DIP2C: variants seen among roughly 807,000 people sequenced by gnomAD.
DIP2C encodes disco-interacting protein 2 homolog C.
Under a neutral mutation model 192.4 loss-of-function variants are expected in DIP2C, and 33 were observed. That is an observed-to-expected ratio of 0.17 (90% CI 0.13 to 0.23). The LOEUF is 0.23. Ranked by LOEUF, DIP2C falls within the 10% of genes least tolerant of loss-of-function variation. The pLI is 1.00. For missense variants in DIP2C, 1,537 were observed against 2,110.1 expected, an observed-to-expected ratio of 0.73 and a Z score of 5.32; for synonymous variants, 979 against 864.1, an observed-to-expected ratio of 1.13 and a Z score of -2.33.
intron 1 of DIP2C, among the ~76,000 whole-genome samples, chr10:587,075 G>T (rs1851093052): frequency 6.6e-6 from 1 of 150,490 alleles, no homozygotes; most frequent in Non-Finnish European, 1.5e-5. Context: ...AACAGTGCAG[G>T]GTCTAAGGCC....
intron 1 of DIP2C, among the ~76,000 whole-genome samples, chr10:577,836 T>TA (rs1554742636): frequency 5.3e-5 from 8 of 151,606 alleles, no homozygotes; most frequent in South Asian, 2.1e-4. Context: ...TTTTTTTTTT[T>TA]AACCACAAAA....
chr10:460,888 G>A (rs1295315500), intron 3 of DIP2C, among the ~76,000 whole-genome samples: 1 of 152,122 alleles, frequency 6.6e-6, no homozygotes, highest in Non-Finnish European at 1.5e-5. Flanking sequence ...AGAAGAGAGT[G>A]GGGGCCAATA....
rs953393208 is a variant in DIP2C, at chr10:308,429, CCA to C, written c.3986+1600_3986+1601del. Among the ~76,000 whole-genome samples the C allele has an allele frequency of 6.9e-4, 103 of 150,264 alleles. 3 individuals are homozygous for C. The highest frequency in any genetic ancestry group is 2.3e-3 in the African/African-American group (91 of 39,644). ...AAAAGGTTACGCTTTGAGGGCCAGG[CCA>C]CAGACAGAACTGCATACATGTGTTA... is the stretch of plus-strand genomic sequence containing the variant. On this transcript the variant is annotated intron_variant, in intron 32 of 36. Transcript: ENST00000280886.
At chr10:284,618 A>T (rs538213666) in intron 34 of DIP2C, among the ~76,000 whole-genome samples, 4 of 152,306 alleles carry the variant, frequency 2.6e-5, no homozygotes, top group African/African-American at 9.6e-5. Context: ...ATGACGGGCA[A>T]GGGTGCAAAC....
At chr10:465,399 GAGCT>G (rs1456809243) in intron 3 of DIP2C, among the ~76,000 whole-genome samples, 5 of 150,856 alleles carry the variant, frequency 3.3e-5, no homozygotes, top group African/African-American at 1.2e-4. Flanking sequence ...AAAATAATAA[GAGCT>G]ATCTATGACA....
chr10:647,837 C>T (rs11253297), intron 1 of DIP2C, among the ~76,000 whole-genome samples: 1 of 147,678 alleles, frequency 6.8e-6, no homozygotes, highest in East Asian at 2.1e-4. Context: ...ACTGAGTCCA[C>T]GTCCACATTT....
chr10:371,495 C>T (rs913191542), intron 17 of DIP2C, among the ~76,000 whole-genome samples: 3 of 152,140 alleles, frequency 2.0e-5, no homozygotes, highest in Non-Finnish European at 2.9e-5. Context: ...ATTACTCTGT[C>T]CTTGTAAGAG....
chr10:569,768 A>C (rs1335587029), intron 1 of DIP2C, among the ~76,000 whole-genome samples: 1 of 152,148 alleles, frequency 6.6e-6, no homozygotes, highest in Admixed American at 6.5e-5. Flanking sequence ...CCTACCCACA[A>C]AGGCAGGGGT....
chr10:555,844 G>A (rs991899839), intron 1 of DIP2C, among the ~76,000 whole-genome samples: 6 of 152,080 alleles, frequency 3.9e-5, no homozygotes, highest in East Asian at 1.9e-4. Context: ...CCACCCCCAC[G>A]GGAGGAACAC....
At chr10:577,294 T>C (rs1379102633) in intron 1 of DIP2C, among the ~76,000 whole-genome samples, 1 of 152,238 alleles carries the variant, frequency 6.6e-6, no homozygotes, top group Non-Finnish European at 1.5e-5. Context: ...ACTAATTCAC[T>C]AGCGATTAGC....
In DIP2C at chr10:422,825, T is replaced by G; in HGVS notation, c.603A>C (p.Ile201=). ...RLADVMAQTH[I]ENHSAPPDVT... is the part of the protein sequence containing the mutation. Reference sequence around the variant, plus strand: ...AAAGACACCGTGAAGCGTGCTCACCTATGTGGGTCTGAGCCATGACGTCCG... The same window carrying G: ...AAAGACACCGTGAAGCGTGCTCACCGATGTGGGTCTGAGCCATGACGTCCG... The change falls in exon 5 of 37, where the codon ATA becomes ATC. Residue 201 remains isoleucine (I), a splice_region_variant and synonymous_variant. Transcript: ENST00000280886. 6.2e-7 allele frequency: 1 copy of G among 1,611,302 alleles called. No homozygotes were observed. Among genetic ancestry groups the G allele is most frequent in the East Asian group, 2.2e-5 (1 of 44,886 alleles).
intron 32 of DIP2C, among the ~76,000 whole-genome samples, chr10:292,229 C>T (rs747424381): frequency 2.0e-5 from 3 of 152,218 alleles, no homozygotes; most frequent in Non-Finnish European, 4.4e-5. Flanking sequence ...ATCGGCTCCA[C>T]GAACCATTAC....
chr10:411,142 A>G (rs910813526), intron 8 of DIP2C, among the ~76,000 whole-genome samples: 1 of 152,250 alleles, frequency 6.6e-6, no homozygotes, highest in Non-Finnish European at 1.5e-5. Context: ...GCGTGCTGCT[A>G]GCTCAAGCAT....
intron 1 of DIP2C, among the ~76,000 whole-genome samples, chr10:532,254 C>T (rs75421211): frequency 2.4e-4 from 37 of 152,238 alleles, no homozygotes; most frequent in East Asian, 2.3e-3. Context: ...ACTCATGTCC[C>T]GGAAAGCCCT....
chr10:649,588 C>T (rs924836753), intron 1 of DIP2C, among the ~76,000 whole-genome samples: 1 of 152,044 alleles, frequency 6.6e-6, no homozygotes, highest in East Asian at 1.9e-4. Flanking sequence ...TTCACATTAC[C>T]CAATAATTCT....
At position 574,236 on chromosome 10, in the gene DIP2C, T is replaced by C. The variant is rs181259304; in HGVS notation, c.86-87706A>G. ...AACATCTATAACTTAAGCTAGGAAA[T>C]TGGGCATTTCACAAAGATTTTGCAC... On this transcript the variant is annotated intron_variant, in intron 1 of 36. Transcript: ENST00000280886. Among the ~76,000 whole-genome samples the C allele has an allele frequency of 2.0e-4, 30 of 152,318 alleles. No homozygotes were observed. In the East Asian group the frequency reaches 5.4e-3, roughly 27 times the overall value.
chr10:358,194 C>A (rs879684995), intron 22 of DIP2C, among the ~76,000 whole-genome samples: 2 of 152,100 alleles, frequency 1.3e-5, no homozygotes, highest in Admixed American at 1.3e-4. Context: ...CCACGCCTGA[C>A]TTTCCAGTTA....
intron 32 of DIP2C, among the ~76,000 whole-genome samples, chr10:308,130 G>T (rs1217353549): frequency 6.6e-6 from 1 of 152,242 alleles, no homozygotes; most frequent in Non-Finnish European, 1.5e-5. Flanking sequence ...CCCGGTGAAA[G>T]GAAGTCACTT....
intron 6 of DIP2C, among the ~76,000 whole-genome samples, chr10:416,858 T>G (rs956171777): frequency 3.3e-5 from 5 of 152,118 alleles, no homozygotes; most frequent in Non-Finnish European, 5.9e-5. Flanking sequence ...TCTCTGTAGG[T>G]GCAGCTGGCA....
Sources: gnomAD v4.1 joint callset for allele counts (sites outside exome capture counted in the v4.1 genomes callset) on GRCh38, gnomAD v4.1.1 for gene constraint, MANE v1.5 for transcripts, NCBI Gene and HGNC (gene_info 2026-07-23, HGNC 2026-07-21) for gene names.